Variants in TACC2 observed in about 807,000 individuals in gnomAD.
TACC2 encodes the protein transforming acidic coiled-coil containing protein 2, also known as transforming acidic coiled-coil-containing protein 2.
A neutral mutation model predicts 227.3 loss-of-function variants in TACC2; 137 were observed. The observed-to-expected ratio is 0.60, with a 90% CI of 0.52 to 0.69. The LOEUF (loss-of-function observed/expected upper bound fraction) is 0.69, where lower values mean the gene tolerates loss of function less well. Ranked by LOEUF, TACC2 falls within the 30% of genes least tolerant of loss-of-function variation. The probability of loss-of-function intolerance (pLI) is 0.00; values close to 1 mark genes in which losing one functional copy is unlikely to be tolerated. For synonymous variants in TACC2, 1,523 were observed against 1,487.5 expected (o/e 1.02, Z -0.55); for missense variants, 3,470 against 3,694.4 (o/e 0.94, Z 1.57).
At chr10:122,219,440 A>G (rs1166112944) in intron 11 of TACC2, among the ~76,000 whole-genome samples, 1 of 152,144 alleles carries the variant, frequency 6.6e-6, no homozygotes, top group African/African-American at 2.4e-5. Flanking sequence ...TGTCAGGTTC[A>G]TCTCTGTTCC....
intron 7 of TACC2, among the ~76,000 whole-genome samples, chr10:122,165,483 T>G (rs776605421): frequency 6.6e-6 from 1 of 152,228 alleles, no homozygotes; most frequent in Non-Finnish European, 1.5e-5. Context: ...TCAGCTGAGT[T>G]AATAAATGAT....
rs761809326 is a variant in TACC2 at position 122,237,463 on chromosome 10, T to C, written c.8196T>C (p.Ala2732=). 3.7e-5 allele frequency: 59 copies of C among 1,614,010 alleles called. No individual in the cohort carries two copies. Among genetic ancestry groups the C allele is most frequent in the Middle Eastern group, 1.6e-4 (1 of 6,084 alleles). The part of the protein sequence containing the change: ...KTALYSRIGT[A]EVEKPAGLLF... ...CCTTGTACTCCCGCATCGGGACCGC[T>C]GAGGTGGAGAAACCTGCAGGCCTTC... The change falls in exon 17 of 23, where the codon GCT becomes GCC. Residue 2732 remains alanine, a synonymous_variant. Transcript: ENST00000369005.
chr10:122,175,534 G>A (rs2093656844), intron 7 of TACC2, among the ~76,000 whole-genome samples: 1 of 152,074 alleles, frequency 6.6e-6, no homozygotes, highest in Admixed American at 6.6e-5. Flanking sequence ...TGCATTTCTC[G>A]ATGTAGGCTC....
chr10:122,143,748 G>A (rs1162272455), intron 7 of TACC2, 42 bp downstream of exon 7: 1 of 1,599,042 alleles, frequency 6.3e-7, no homozygotes, highest in African/African-American at 1.3e-5. Flanking sequence ...CCCCCGGAGA[G>A]CAGGGGCCTG....
chr10:122,040,349 G>C (rs572664533), intron 2 of TACC2, among the ~76,000 whole-genome samples: 2 of 152,140 alleles, frequency 1.3e-5, no homozygotes, highest in Admixed American at 6.5e-5. Flanking sequence ...GCTGTGATGA[G>C]AGCTGTCTCC....
chr10:121,996,836 C>G (rs118051595), intron 1 of TACC2, among the ~76,000 whole-genome samples: 1 of 151,920 alleles, frequency 6.6e-6, no homozygotes, highest in Admixed American at 6.6e-5. Flanking sequence ...AGGAGTGAGA[C>G]GTCAGGGCAG....
intron 7 of TACC2, among the ~76,000 whole-genome samples, chr10:122,171,023 G>GTAGATTAGGGGCCGTGAGCAA (rs56160914): frequency 0.54 from 81,523 of 150,546 alleles, 23,765 homozygotes; most frequent in African/African-American, 0.77. Flanking sequence ...GCTGTGAGCA[G>GTAGATTAGGGGCCGTGAGCAA]TAGATTAGGG....
chr10:122,098,903 G>C (rs2081807301), intron 5 of TACC2, among the ~76,000 whole-genome samples: 1 of 152,154 alleles, frequency 6.6e-6, no homozygotes, highest in African/African-American at 2.4e-5. Flanking sequence ...ATATTGTATA[G>C]GATGCGAAGT....
At chr10:122,026,933 C>T (rs555907440) in intron 2 of TACC2, among the ~76,000 whole-genome samples, 4 of 152,274 alleles carry the variant, frequency 2.6e-5, no homozygotes, top group South Asian at 2.1e-4. Context: ...CATCTATGTG[C>T]GGATTTTTGT....
rs1438338538 is a variant in TACC2 at position 122,216,655 on chromosome 10, C to T, written c.7373C>T (p.Thr2458Ile). ...QDPTPAATPE[T>I]PPVISAVVHA... is the part of the protein sequence containing the mutation. Reference sequence around the variant, plus strand: ...CCCACCCCAGCTGCTACACCAGAAACACCACCAGTGATCTCTGCGGTGGTC... The same window carrying T: ...CCCACCCCAGCTGCTACACCAGAAATACCACCAGTGATCTCTGCGGTGGTC... Residue 2458 changes from threonine (T) to isoleucine (I), a missense_variant, in exon 11 of 23, where the codon ACA (threonine) becomes ATA (isoleucine). Thr to Ile is a moderately conservative substitution (Grantham distance 89). Around this residue, in one of 10 missense-constraint regions of TACC2, gnomAD observed 593 missense variants for 636.6 expected, o/e 0.93. Transcript: ENST00000369005. 1.9e-6 allele frequency: 3 copies of T among 1,614,010 alleles called. No homozygotes were observed. Among genetic ancestry groups the T allele is most frequent in the Admixed American group, 3.3e-5 (2 of 59,998 alleles).
chr10:122,133,271 G>A (rs373244993), intron 6 of TACC2, among the ~76,000 whole-genome samples: 4 of 152,046 alleles, frequency 2.6e-5, no homozygotes, highest in Non-Finnish European at 4.4e-5. Flanking sequence ...GCCTCCCTTC[G>A]TTTTGCTCTT....
intron 22 of TACC2, 76 bp downstream of exon 22, chr10:122,249,740 G>A: frequency 6.6e-7 from 1 of 1,517,356 alleles, no homozygotes; most frequent in Non-Finnish European, 8.9e-7. Flanking sequence ...CAGCTAGACA[G>A]GCTGGGCTTC....
At position 122,223,014 on chromosome 10, in the gene TACC2, C is replaced by G. The variant is rs116841374; in HGVS notation, c.7547-1712C>G. On this transcript the variant is annotated intron_variant, in intron 11 of 22. Coordinates refer to ENST00000369005, the MANE Select transcript of TACC2 (RefSeq NM_206862.4). ...GAAGAGACCCTAAATATCACCCTGT[C>G]CATCCCTGTCTCCTTCCTCCTCCTC... 2.0e-3 allele frequency among the ~76,000 whole-genome samples: 303 copies of G among 151,154 alleles called. 1 individual carries two copies. Among genetic ancestry groups the G allele is most frequent in the Non-Finnish European group, 3.0e-3 (205 of 67,876 alleles).
intron 7 of TACC2, among the ~76,000 whole-genome samples, chr10:122,145,552 G>T (rs1486014828): frequency 1.3e-5 from 2 of 152,110 alleles, no homozygotes; most frequent in Non-Finnish European, 2.9e-5. Flanking sequence ...AGATCTTTGT[G>T]GGGGGTGATG....
At chr10:122,077,456 AC>A (rs2078944834) in intron 3 of TACC2, among the ~76,000 whole-genome samples, 1 of 151,706 alleles carries the variant, frequency 6.6e-6, no homozygotes, top group Admixed American at 6.6e-5. Flanking sequence ...CAGGGAGGCT[AC>A]CCTGAGAAGC....
At chr10:122,037,870 C>T (rs1432851533) in intron 2 of TACC2, among the ~76,000 whole-genome samples, 1 of 152,188 alleles carries the variant, frequency 6.6e-6, no homozygotes, top group Admixed American at 6.5e-5. Context: ...AGCAAGAAGC[C>T]TGGGAGGCCA....
Position 122,210,365 on chromosome 10 carries a change from T to A in TACC2, c.5972-32T>A, listed in dbSNP as rs1056089356. 1 of 1,550,440 alleles carries A rather than the reference T, an allele frequency of 6.4e-7. No individual in the cohort carries two copies. Among genetic ancestry groups the A allele is most frequent in the East Asian group, 2.2e-5 (1 of 44,544 alleles). On this transcript the variant is annotated intron_variant, in intron 8 of 22. Coordinates refer to ENST00000369005, the MANE Select transcript of TACC2 (RefSeq NM_206862.4). The surrounding 1 kb of genome is among the most constrained non-coding windows in gnomAD (Gnocchi z 4.6). Reference sequence around the variant, plus strand: ...GAGGTGCCCCAATGCGTCCTGTGTCTGTAATTGATGGCGTTGTCTGTGTTT... The same window carrying A: ...GAGGTGCCCCAATGCGTCCTGTGTCAGTAATTGATGGCGTTGTCTGTGTTT...
At chr10:122,095,665 A>C (rs1225109919) in intron 5 of TACC2, among the ~76,000 whole-genome samples, 1 of 152,204 alleles carries the variant, frequency 6.6e-6, no homozygotes, top group East Asian at 1.9e-4. Flanking sequence ...CAGACATCAG[A>C]TCTACGTTCA....
intron 11 of TACC2, among the ~76,000 whole-genome samples, chr10:122,218,889 G>A (rs1589667616): frequency 6.6e-6 from 1 of 151,976 alleles, no homozygotes; most frequent in African/African-American, 2.4e-5. Context: ...GGGCATGCTG[G>A]TGTGTCCCTG....
Sources: gnomAD v4.1 joint callset for allele counts (sites outside exome capture counted in the v4.1 genomes callset) on GRCh38, gnomAD v4.1.1 for gene constraint, gnomAD v4.1.1 regional missense constraint, Gnocchi (gnomAD v3.1) non-coding constraint, MANE v1.5 for transcripts, NCBI Gene and HGNC (gene_info 2026-07-23, HGNC 2026-07-21) for gene names.